Variants in UNC13A observed in about 807,000 individuals in gnomAD.
The protein encoded by UNC13A is unc-13 homolog A.
Under a neutral mutation model 219.7 loss-of-function variants are expected in UNC13A, and 61 were observed. The observed-to-expected ratio is 0.28, with a 90% CI of 0.23 to 0.34. The LOEUF (loss-of-function observed/expected upper bound fraction) is 0.34. Ranked by LOEUF, UNC13A falls within the 10% of genes least tolerant of loss-of-function variation. The pLI is 1.00. For synonymous variants in UNC13A, 920 were observed against 884.6 expected (o/e 1.04, Z -0.71); for missense variants, 1,476 against 2,270.3 (o/e 0.65, Z 7.11).
At chr19:17,655,192 G>A (rs2079426115) in intron 11 of UNC13A, 82 bp downstream of exon 11, 5 of 1,170,214 alleles carry the variant, frequency 4.3e-6, no homozygotes, top group Non-Finnish European at 6.2e-6. Context: ...ATAGGTGTGG[G>A]TGTGGCCAAA....
chr19:17,641,807 G>A lies in UNC13A; in HGVS notation c.2473-251C>T, dbSNP rs957610011. Among the ~76,000 whole-genome samples the A allele has an allele frequency of 2.7e-5, 4 of 146,414 alleles. 1 individual carries two copies. In the South Asian group the frequency reaches 8.8e-4, roughly 32 times the overall value. On this transcript the variant is annotated intron_variant, in intron 20 of 43. Coordinates refer to ENST00000519716, the MANE Select transcript of UNC13A (RefSeq NM_001080421.3). ...ATTCATCCATCCCATACATTGATCC[G>A]CAACTTAATCCACCTACCCAATCAT...
At chr19:17,631,939 C>A (rs2076860213) in intron 28 of UNC13A, among the ~76,000 whole-genome samples, 1 of 152,082 alleles carries the variant, frequency 6.6e-6, no homozygotes, top group Admixed American at 6.6e-5. Context: ...GAGACGGAGT[C>A]TCACTTTGTT....
intron 19 of UNC13A, among the ~76,000 whole-genome samples, chr19:17,644,744 T>G (rs1252159385): frequency 6.6e-6 from 1 of 151,864 alleles, no homozygotes; most frequent in African/African-American, 2.4e-5. Flanking sequence ...TGGGCTGGAG[T>G]GCAGCAGTGT....
chr19:17,681,791 G>T (rs1416366701), intron 1 of UNC13A, among the ~76,000 whole-genome samples: 2 of 152,140 alleles, frequency 1.3e-5, no homozygotes, highest in African/African-American at 4.8e-5. Flanking sequence ...TCCCACCCGT[G>T]TACCCTCAAC....
intron 19 of UNC13A, among the ~76,000 whole-genome samples, chr19:17,644,035 C>G (rs529765441): frequency 2.6e-5 from 4 of 152,274 alleles, no homozygotes; most frequent in African/African-American, 9.6e-5. Flanking sequence ...CTTTCTACCC[C>G]CTCAGATTAG....
At position 17,611,853 on chromosome 19, in the gene UNC13A, A is replaced by G. The variant is rs780254235; in HGVS notation, c.4561T>C (p.Leu1521=). 6.2e-7 allele frequency: 1 copy of G among 1,613,798 alleles called. No individual in the cohort carries two copies. The highest frequency in any genetic ancestry group is 2.2e-5 in the East Asian group (1 of 44,874). ...TCACCCACAGGGTCTTCTACACCCA[A>G]GCCTGGGCAGGGCAGGGGAGGATGG... ...TFVQTQSAQG[L]GVEDPVGEVS... is the part of the protein sequence containing the mutation. The change falls in exon 42 of 44, where the codon TTG becomes CTG. Residue 1521 remains leucine (L), a splice_region_variant and synonymous_variant. Coordinates refer to ENST00000519716, the MANE Select transcript of UNC13A (RefSeq NM_001080421.3).
chr19:17,612,319 A>G (rs1282476870), intron 41 of UNC13A, among the ~76,000 whole-genome samples: 1 of 151,962 alleles, frequency 6.6e-6, no homozygotes, highest in African/African-American at 2.4e-5. Flanking sequence ...CTGACCCTGC[A>G]CCTCAATATT....
intron 12 of UNC13A, among the ~76,000 whole-genome samples, chr19:17,652,383 C>T (rs181136578): frequency 2.6e-5 from 4 of 152,268 alleles, no homozygotes; most frequent in East Asian, 1.9e-4. Flanking sequence ...CCTCCCGCCT[C>T]GGCCTCCCAA....
At chr19:17,664,919 G>T (rs1367220240) in intron 7 of UNC13A, among the ~76,000 whole-genome samples, 4 of 152,186 alleles carry the variant, frequency 2.6e-5, no homozygotes, top group African/African-American at 9.7e-5. Context: ...TGGAAAAGGT[G>T]CCAGGCATGG....
chr19:17,652,160 C>T lies in UNC13A; in HGVS notation c.1439+471G>A, dbSNP rs534569178. Among the ~76,000 whole-genome samples, 7 of 152,196 alleles carry T rather than the reference C, an allele frequency of 4.6e-5. No homozygotes were observed. In the East Asian group the frequency reaches 1.4e-3, roughly 29 times the overall value. ...TGTTTGTTTATTTTTGAGACAGTGT[C>T]CCGCTCTGTCTCCCAGGCTGGAGTG... On this transcript the variant is annotated intron_variant, in intron 12 of 43. Transcript: ENST00000519716.
Position 17,606,473 on chromosome 19 carries a change from T to TC in UNC13A, c.4812-120dup. 3 of 1,329,224 alleles carry TC rather than the reference T, an allele frequency of 2.3e-6. No individual in the cohort carries two copies. In the South Asian group the frequency reaches 4.3e-5, roughly 19 times the overall value. 82.3% of individuals were successfully genotyped at this position (1,329,224 alleles called of 1,614,324 possible). ...CACCGGGGTGCCCACACCTGTCACC[T>TC]CCCACGCTACGCTAGCCCCGCCCCT... is the stretch of plus-strand genomic sequence containing the variant. On this transcript the variant is annotated intron_variant, in intron 43 of 43. Transcript: ENST00000519716.
chr19:17,647,513 C>G, intron 16 of UNC13A, 21 bp from the exon 17 acceptor site: 1 of 1,606,260 alleles, frequency 6.2e-7, no homozygotes, highest in Non-Finnish European at 8.5e-7. Flanking sequence ...CCGAGGCCGG[C>G]GCTGACCCCA....
chr19:17,668,930 G>A (rs115784831), intron 5 of UNC13A, among the ~76,000 whole-genome samples: 1 of 152,158 alleles, frequency 6.6e-6, no homozygotes, highest in African/African-American at 2.4e-5. Flanking sequence ...CAAATAGTTG[G>A]GACTACAGAA....
intron 30 of UNC13A, 29 bp downstream of exon 30, chr19:17,630,116 T>G (rs1166444469): frequency 6.4e-7 from 1 of 1,550,488 alleles, no homozygotes; most frequent in Non-Finnish European, 8.7e-7. Context: ...CCCTGTCCCC[T>G]AGCCCCAACC....
At chr19:17,655,405 G>A (rs2079431869) in intron 10 of UNC13A, 23 bp from the exon 11 acceptor site, 1 of 1,540,482 alleles carries the variant, frequency 6.5e-7, no homozygotes. Context: ...ACGCTATGAG[G>A]CTCTGGGCTG....
At chr19:17,644,523 GTTT>G (rs57314065) in intron 19 of UNC13A, among the ~76,000 whole-genome samples, 35,465 of 98,978 alleles carry the variant, frequency 0.36, 4,888 homozygotes, top group Middle Eastern at 0.48. Context: ...TTTTTCTTTT[GTTT>G]TTTTTTTTTT....
At position 17,640,571 on chromosome 19, in the gene UNC13A, T is replaced by C. The variant is rs1298864243; in HGVS notation, c.2727A>G (p.Ala909=). 2.6e-6 allele frequency: 4 copies of C among 1,563,858 alleles called. 1 individual carries two copies. In the South Asian group the frequency reaches 4.7e-5, roughly 18 times the overall value. Residue 909 remains alanine (A), a synonymous_variant, in exon 22 of 44, where the codon GCA becomes GCG. Coordinates refer to ENST00000519716, the MANE Select transcript of UNC13A (RefSeq NM_001080421.3). ...ACACGTTGGTGGAGGCGGTGGTGTG[T>C]GCGTAGTAGGCATTGATGTTGGCGA... ...TLLANINAYY[A]HTTASTNVSA... is the part of the protein sequence containing the mutation.
intron 26 of UNC13A, among the ~76,000 whole-genome samples, chr19:17,635,011 C>T (rs1243477926): frequency 2.6e-5 from 4 of 152,176 alleles, no homozygotes; most frequent in Non-Finnish European, 5.9e-5. Context: ...GCTGGGACTA[C>T]AGGCGCCCAC....
Position 17,605,147 on chromosome 19 carries a change from G to A in UNC13A, c.*907C>T, listed in dbSNP as rs2076507767. The A allele has an allele frequency of 6.5e-6, 1 of 152,718 alleles. No homozygotes were observed. Among genetic ancestry groups the A allele is most frequent in the South Asian group, 2.1e-4 (1 of 4,836 alleles). 9.5% of individuals were successfully genotyped at this position (152,718 alleles called of 1,614,324 possible). A position where few individuals can be genotyped will look rare whatever the true frequency, so the allele number is the denominator to read the frequency against. Reference sequence around the variant, plus strand: ...TCCCACCCCTTGGAGGAGGCCGAGGGGGAATTAGCAGCAATAGGGAGCTGT... The same window carrying A: ...TCCCACCCCTTGGAGGAGGCCGAGGAGGAATTAGCAGCAATAGGGAGCTGT... On this transcript the variant is annotated 3_prime_UTR_variant, in exon 44 of 44. Coordinates refer to ENST00000519716, the MANE Select transcript of UNC13A (RefSeq NM_001080421.3).
Sources: gnomAD v4.1 joint callset for allele counts (sites outside exome capture counted in the v4.1 genomes callset) on GRCh38, gnomAD v4.1.1 for gene constraint, MANE v1.5 for transcripts, NCBI Gene and HGNC (gene_info 2026-07-23, HGNC 2026-07-21) for gene names.